EHMT1: variants seen among roughly 807,000 people sequenced by gnomAD.
EHMT1 encodes histone-lysine N-methyltransferase EHMT1.
In EHMT1, 15 loss-of-function variants were observed where a neutral mutation model predicts 147.2. The observed-to-expected ratio is 0.10, with a 90% CI of 0.07 to 0.16. EHMT1 has a LOEUF of 0.16. Among genes scored for constraint, EHMT1 ranks in the 10% least tolerant of loss-of-function variants. The probability of loss-of-function intolerance (pLI) is 1.00; values close to 1 mark genes in which losing one functional copy is unlikely to be tolerated. For missense variants in EHMT1, 1,587 were observed against 1,772.4 expected (o/e 0.90, Z 1.88); for synonymous variants, 795 against 709.6 (o/e 1.12, Z -1.91).
rs189466819 is a variant in EHMT1 at position 137,662,216 on chromosome 9, C to T, written c.21+43167C>T. 2.4e-3 allele frequency among the ~76,000 whole-genome samples: 366 copies of T among 151,898 alleles called. 4 individuals carry two copies. Among genetic ancestry groups the T allele is most frequent in the Non-Finnish European group, 3.1e-3 (208 of 67,964 alleles). On this transcript the variant is annotated intron_variant, in intron 1 of 26. Coordinates refer to ENST00000460843, the MANE Select transcript of EHMT1 (RefSeq NM_024757.5). ...TATTTTTGTTTAGATATTTTTTTTC[C>T]AGACAGGGTTTCACTCTGTCACCCA...
In EHMT1 at chr9:137,790,173, A is replaced by G. The variant is rs138501092; in HGVS notation, c.2383-675A>G. ...ACAATACTATTTTCAACGTTTTTTC[A>G]TAATGTTTATGTTATAAATTAAATA... is the stretch of plus-strand genomic sequence containing the variant. On this transcript the variant is annotated intron_variant, in intron 15 of 26. Transcript: ENST00000460843. 3.4e-4 allele frequency among the ~76,000 whole-genome samples: 52 copies of G among 152,312 alleles called. 1 individual carries two copies. In the East Asian group the frequency reaches 9.2e-3, roughly 27 times the overall value.
At chr9:137,758,108 T>G in intron 9 of EHMT1, 97 bp downstream of exon 9, 1 of 1,519,118 alleles carries the variant, frequency 6.6e-7, no homozygotes, top group Non-Finnish European at 9.1e-7. Flanking sequence ...TGGTGGACAC[T>G]AGTAGAAGAT....
chr9:137,768,569 A>T (rs2136485083), intron 10 of EHMT1, among the ~76,000 whole-genome samples: 3 of 27,858 alleles, frequency 1.1e-4, no homozygotes, highest in Admixed American at 1.2e-3. Context: ...TTTTTTTTTG[A>T]GACGGAGTCT....
chr9:137,661,951 C>G (rs886091908), intron 1 of EHMT1, among the ~76,000 whole-genome samples: 1 of 151,978 alleles, frequency 6.6e-6, no homozygotes, highest in Admixed American at 6.6e-5. Context: ...TACACGCATG[C>G]GCCACCATGC....
Position 137,811,353 on chromosome 9 carries a change from T to C in EHMT1, c.2713-108T>C, listed in dbSNP as rs73669182. Reference sequence around the variant, plus strand: ...TGGCCCTGCTGCGGACGGCCACGCATGCTCCAGAGCCTCTCCCCGGGCACA... The same window carrying C: ...TGGCCCTGCTGCGGACGGCCACGCACGCTCCAGAGCCTCTCCCCGGGCACA... On this transcript the variant is annotated intron_variant, in intron 18 of 26. Coordinates refer to ENST00000460843, the MANE Select transcript of EHMT1 (RefSeq NM_024757.5). 28,942 of 1,521,904 alleles carry C rather than the reference T, an allele frequency of 0.019. 4,433 individuals are homozygous for C. In the African/African-American group the frequency reaches 0.34, roughly 18 times the overall value. 94.3% of individuals were successfully genotyped at this position (1,521,904 alleles called of 1,614,324 possible).
rs35935211 is a variant in EHMT1 at position 137,757,890 on chromosome 9, G to A, written c.1380G>A (p.Ser460=). The part of the protein sequence containing the change: ...KKPSGALGSE[S]YKSSAGSAEQ... ...GCCTTTCATACCTAGGTTCTGAGTC[G>A]TATAAGTCATCTGCAGGAAGCGCTG... The change falls in exon 9 of 27, where the codon TCG becomes TCA. Residue 460 remains serine (S), a synonymous_variant. Coordinates refer to ENST00000460843, the MANE Select transcript of EHMT1 (RefSeq NM_024757.5). 1.3e-4 allele frequency: 213 copies of A among 1,613,932 alleles called. No homozygotes were observed. Among genetic ancestry groups the A allele is most frequent in the Non-Finnish European group, 1.7e-4 (201 of 1,180,004 alleles).
At chr9:137,804,087 C>A (rs771603274) in intron 18 of EHMT1, among the ~76,000 whole-genome samples, 2 of 152,152 alleles carry the variant, frequency 1.3e-5, no homozygotes, top group Non-Finnish European at 2.9e-5. Context: ...GATTGAGGAG[C>A]ATTGTACCAC....
At chr9:137,833,710 T>C (rs1418227054) in intron 25 of EHMT1, among the ~76,000 whole-genome samples, 2 of 152,208 alleles carry the variant, frequency 1.3e-5, no homozygotes, top group African/African-American at 4.8e-5. Context: ...CCTGGGCTCC[T>C]CTCCAAGGCA....
At chr9:137,768,347 G>GTTTTTTTTTTTTTTTTTTTTT (rs768762232) in intron 10 of EHMT1, among the ~76,000 whole-genome samples, 2 of 92,512 alleles carry the variant, frequency 2.2e-5, no homozygotes, top group Non-Finnish European at 2.1e-5. Context: ...TTTTCTGTGT[G>GTTTTTTTTTTTTTTTTTTTTT]TTTTTTTTTT....
intron 1 of EHMT1, among the ~76,000 whole-genome samples, chr9:137,694,794 G>T (rs187425070): frequency 1.3e-5 from 2 of 152,216 alleles, no homozygotes; most frequent in African/African-American, 4.8e-5. Flanking sequence ...TTGACCCGGC[G>T]AATCTCCTGG....
chr9:137,738,644 G>A (rs1259849197), intron 4 of EHMT1: 1 of 152,172 alleles, frequency 6.6e-6, no homozygotes, highest in Non-Finnish European at 1.5e-5. Context: ...AGCCACCCGA[G>A]GGTCGGCTGT....
At chr9:137,669,084 A>G (rs1940080349) in intron 1 of EHMT1, among the ~76,000 whole-genome samples, 1 of 152,038 alleles carries the variant, frequency 6.6e-6, no homozygotes, top group Non-Finnish European at 1.5e-5. Context: ...ACGGGGTTTC[A>G]CCATGTTGGG....
intron 4 of EHMT1, among the ~76,000 whole-genome samples, chr9:137,737,013 G>A (rs1038285611): frequency 1.3e-5 from 2 of 152,084 alleles, no homozygotes; most frequent in African/African-American, 2.4e-5. Context: ...GAGCGGCCTG[G>A]GCAACATAGC....
At chr9:137,824,054 TC>T (rs1212926772) in intron 25 of EHMT1, among the ~76,000 whole-genome samples, 2 of 152,096 alleles carry the variant, frequency 1.3e-5, no homozygotes, top group Non-Finnish European at 2.9e-5. Context: ...TCCTAAGAAT[TC>T]CATGTCTATC....
At chr9:137,799,972 A>G (rs1480115469) in intron 17 of EHMT1, among the ~76,000 whole-genome samples, 2 of 152,116 alleles carry the variant, frequency 1.3e-5, no homozygotes, top group Non-Finnish European at 2.9e-5. Context: ...CTGTGTTCCC[A>G]GTGCCTGTGG....
At chr9:137,672,147 G>A (rs1052821912) in intron 1 of EHMT1, among the ~76,000 whole-genome samples, 10 of 152,246 alleles carry the variant, frequency 6.6e-5, no homozygotes, top group African/African-American at 1.4e-4. Flanking sequence ...TGCAGCAGGC[G>A]GTGTGAGCAT....
Position 137,834,848 on chromosome 9 carries a change from GCA to G in EHMT1, c.3794_3795del (p.His1265LeufsTer53). On this transcript the variant is annotated frameshift_variant, in exon 27 of 27. Transcript: ENST00000460843. LOFTEE classifies it high-confidence loss of function. ...SCRCGSPKCR[H>X]SSAALAQRQA... ...GCCGCTGCGGCTCCCCCAAGTGCCG[GCA>G]CTCGAGCGCGGCCCTGGCCCAGCGT... 6.2e-7 allele frequency: 1 copy of G among 1,612,152 alleles called. No individual in the cohort carries two copies. Among genetic ancestry groups the G allele is most frequent in the Non-Finnish European group, 8.5e-7 (1 of 1,179,578 alleles).
chr9:137,777,969 T>C lies in EHMT1; in HGVS notation c.2106T>C (p.Ala702=), dbSNP rs1472149075. Residue 702 remains alanine, a synonymous_variant, in exon 13 of 27, where the codon GCT becomes GCC. Coordinates refer to ENST00000460843, the MANE Select transcript of EHMT1 (RefSeq NM_024757.5). ...AGGGCTTTGATCCAACGGGACCTGC[T>C]GGGCTTGGGAGGCCAACTCCCGGCC... is the stretch of plus-strand genomic sequence containing the variant. ...VPEGFDPTGP[A]GLGRPTPGLS... 1.1e-5 allele frequency: 17 copies of C among 1,613,766 alleles called. 1 individual carries two copies. Among genetic ancestry groups the C allele is most frequent in the Non-Finnish European group, 1.4e-5 (17 of 1,180,044 alleles).
At chr9:137,796,545 A>G (rs1952959522) in intron 16 of EHMT1, among the ~76,000 whole-genome samples, 1 of 151,904 alleles carries the variant, frequency 6.6e-6, no homozygotes, top group African/African-American at 2.4e-5. Flanking sequence ...TCTACTAAAA[A>G]TACAAAAAAT....
Sources: allele counts gnomAD v4.1 joint callset (sites outside exome capture counted in the v4.1 genomes callset), GRCh38; gene constraint gnomAD v4.1.1; transcripts MANE v1.5; gene names NCBI Gene and HGNC (gene_info 2026-07-23, HGNC 2026-07-21).